EPHA7: variants seen among roughly 807,000 people sequenced by gnomAD.
EPHA7 encodes the protein ephrin type-A receptor 7.
In EPHA7, 25 loss-of-function variants were observed where a neutral mutation model predicts 112.6. The ratio of observed to expected loss-of-function variants is 0.22; its 90% CI spans 0.16 to 0.31. The LOEUF is 0.31. Ranked by LOEUF, EPHA7 falls within the 10% of genes least tolerant of loss-of-function variation. EPHA7 has a pLI of 1.00. For synonymous variants in EPHA7, 437 were observed against 406.5 expected (o/e 1.07, Z -0.90); for missense variants, 962 against 1,212.6 (o/e 0.79, Z 3.07).
intron 3 of EPHA7, among the ~76,000 whole-genome samples, chr6:93,369,415 A>G (rs558871852): frequency 2.0e-5 from 3 of 152,328 alleles, no homozygotes; most frequent in Admixed American, 6.5e-5. Context: ...CAAAAAGACA[A>G]CGTAGCCAGT....
At chr6:93,378,818 G>A (rs1051970379) in intron 3 of EPHA7, among the ~76,000 whole-genome samples, 1 of 152,070 alleles carries the variant, frequency 6.6e-6, no homozygotes, top group Non-Finnish European at 1.5e-5. Context: ...TCTGTTTCTA[G>A]TAAATTATGG....
chr6:93,369,508 T>C (rs9354012), intron 3 of EPHA7, among the ~76,000 whole-genome samples: 2,577 of 152,264 alleles, frequency 0.017, 100 homozygotes, highest in East Asian at 0.15. Context: ...CTATATAGTT[T>C]CATTCTTTTT....
chr6:93,403,672 A>AG (rs1778543887), intron 3 of EPHA7, among the ~76,000 whole-genome samples: 1 of 151,918 alleles, frequency 6.6e-6, no homozygotes, highest in Non-Finnish European at 1.5e-5. Flanking sequence ...AAAAAAAAAA[A>AG]AAAAAGAAAA....
chr6:93,326,150 T>C (rs1008233519), intron 5 of EPHA7, among the ~76,000 whole-genome samples: 3 of 151,366 alleles, frequency 2.0e-5, no homozygotes, highest in Admixed American at 6.6e-5. Context: ...GCCGTGGTAA[T>C]AGTGGGAAGT....
intron 5 of EPHA7, among the ~76,000 whole-genome samples, chr6:93,340,033 A>G (rs1437433641): frequency 1.3e-5 from 2 of 151,784 alleles, no homozygotes; most frequent in African/African-American, 4.8e-5. Flanking sequence ...TTCCAAAGGG[A>G]AATAAACATA....
chr6:93,345,917 T>C (rs1775383780), intron 5 of EPHA7, among the ~76,000 whole-genome samples: 1 of 151,594 alleles, frequency 6.6e-6, no homozygotes, highest in Admixed American at 6.6e-5. Flanking sequence ...CTTCAATTCA[T>C]CACCAACGAA....
intron 5 of EPHA7, among the ~76,000 whole-genome samples, chr6:93,338,356 C>T (rs1285356884): frequency 6.6e-6 from 1 of 151,986 alleles, no homozygotes; most frequent in Admixed American, 6.6e-5. Flanking sequence ...GATTCAATAG[C>T]TTAAAACCAA....
rs888802173 is a variant in EPHA7 at position 93,272,511 on chromosome 6, C to A, written c.1325-89G>T. 4.0e-6 allele frequency: 6 copies of A among 1,508,934 alleles called. No homozygotes were observed. In the African/African-American group the frequency reaches 5.6e-5, roughly 14 times the overall value. The allele number at this position is 1,508,934 out of a possible 1,614,324, so 93.5% of individuals were successfully genotyped here. A position where few individuals can be genotyped will look rare whatever the true frequency, so the allele number is the denominator to read the frequency against. On this transcript the variant is annotated intron_variant, in intron 5 of 16. Coordinates refer to ENST00000369303, the MANE Select transcript of EPHA7 (RefSeq NM_004440.4). ...CACAACTGATCAGTCCCATGCTGTG[C>A]CAGTTTCATTAAGGTAAAAGAAAGC...
chr6:93,290,741 G>T (rs947753066), intron 5 of EPHA7, among the ~76,000 whole-genome samples: 1 of 152,106 alleles, frequency 6.6e-6, no homozygotes, highest in African/African-American at 2.4e-5. Context: ...GCAACACAGG[G>T]TATGAGTACC....
chr6:93,364,655 T>C (rs1314852382), intron 3 of EPHA7, among the ~76,000 whole-genome samples: 5 of 152,094 alleles, frequency 3.3e-5, no homozygotes, highest in African/African-American at 4.8e-5. Flanking sequence ...TTTTCTAACA[T>C]ATATACTCTA....
chr6:93,365,967 T>A (rs1477342405), intron 3 of EPHA7, among the ~76,000 whole-genome samples: 2 of 152,170 alleles, frequency 1.3e-5, no homozygotes, highest in African/African-American at 4.8e-5. Context: ...AAAAGTTTCG[T>A]TTCTAAAGTT....
At chr6:93,363,772 ATAG>A in intron 3 of EPHA7, among the ~76,000 whole-genome samples, 1 of 152,364 alleles carries the variant, frequency 6.6e-6, no homozygotes, top group South Asian at 2.1e-4. Flanking sequence ...ATTAATGTTC[ATAG>A]TGGAATTATT....
intron 5 of EPHA7, among the ~76,000 whole-genome samples, chr6:93,326,659 G>T (rs1004794688): frequency 6.6e-6 from 1 of 151,386 alleles, no homozygotes; most frequent in Non-Finnish European, 1.5e-5. Context: ...TAGATCCTGG[G>T]ATCCCATCAT....
chr6:93,254,901 G>T, intron 13 of EPHA7, 105 bp from the exon 14 acceptor site: 2 of 838,046 alleles, frequency 2.4e-6, no homozygotes, highest in Non-Finnish European at 3.6e-6. Flanking sequence ...TAGTTCAGCA[G>T]CATCAGGTCT....
chr6:93,289,754 G>A lies in EPHA7; in HGVS notation c.1325-17332C>T, dbSNP rs115195263. 6.1e-3 allele frequency among the ~76,000 whole-genome samples: 934 copies of A among 152,300 alleles called. 11 individuals are homozygous for A. Among genetic ancestry groups the A allele is most frequent in the African/African-American group, 0.021 (860 of 41,566 alleles). ...TTCTCTCATTACATTTTGTCTGCATGCCTAAACAGGAATTTGGAGATTAAG... is the reference window on the plus strand; with the variant it reads ...TTCTCTCATTACATTTTGTCTGCATACCTAAACAGGAATTTGGAGATTAAG... On this transcript the variant is annotated intron_variant, in intron 5 of 16. Transcript: ENST00000369303.
intron 5 of EPHA7, among the ~76,000 whole-genome samples, chr6:93,347,378 T>C (rs1427826083): frequency 1.3e-5 from 2 of 151,850 alleles, no homozygotes; most frequent in Non-Finnish European, 2.9e-5. Flanking sequence ...AACATTACTA[T>C]TGGTCATTTT....
At chr6:93,403,038 T>G (rs1182012656) in intron 3 of EPHA7, among the ~76,000 whole-genome samples, 1 of 152,096 alleles carries the variant, frequency 6.6e-6, no homozygotes, top group African/African-American at 2.4e-5. Context: ...GAATAAATTC[T>G]TCAACTCCAG....
intron 3 of EPHA7, among the ~76,000 whole-genome samples, chr6:93,378,754 T>C (rs1233988632): frequency 6.6e-6 from 1 of 152,154 alleles, no homozygotes; most frequent in Non-Finnish European, 1.5e-5. Context: ...TTTTGAAATA[T>C]GACTAGGTAG....
intron 3 of EPHA7, among the ~76,000 whole-genome samples, chr6:93,390,730 A>G (rs903900776): frequency 2.6e-5 from 4 of 151,940 alleles, no homozygotes; most frequent in African/African-American, 7.2e-5. Context: ...TAAATAAAAC[A>G]AAATTTAATT....
Sources: allele counts gnomAD v4.1 joint callset (sites outside exome capture counted in the v4.1 genomes callset), GRCh38; gene constraint gnomAD v4.1.1; transcripts MANE v1.5; gene names NCBI Gene and HGNC (gene_info 2026-07-23, HGNC 2026-07-21).